STAB2: variants seen among roughly 807,000 people sequenced by gnomAD.
The protein encoded by STAB2 is stabilin 2.
A neutral mutation model predicts 338.1 loss-of-function variants in STAB2; 288 were observed. That is an observed-to-expected ratio of 0.85 (90% confidence interval 0.77 to 0.94). The LOEUF is 0.94. STAB2 is among the 40% of genes least tolerant of loss of function. The pLI, the probability that STAB2 is intolerant of heterozygous loss-of-function variation, is 0.00. For synonymous variants in STAB2, 1,202 were observed against 1,193.3 expected, an observed-to-expected ratio of 1.01 and a Z score of -0.15; for missense variants, 3,141 against 3,210.1, an observed-to-expected ratio of 0.98 and a Z score of 0.52.
intron 46 of STAB2, among the ~76,000 whole-genome samples, chr12:103,726,572 C>T (rs374218469): frequency 4.9e-4 from 75 of 152,244 alleles, no homozygotes; most frequent in African/African-American, 1.7e-3. Context: ...AGAAGAAAGT[C>T]TGGGACCCTG....
chr12:103,633,077 G>A (rs1957489418), intron 6 of STAB2, among the ~76,000 whole-genome samples: 1 of 152,192 alleles, frequency 6.6e-6, no homozygotes, highest in Non-Finnish European at 1.5e-5. Context: ...AAAGCCTCCA[G>A]TCCAAATGCA....
At chr12:103,651,311 T>C (rs1873722445) in intron 11 of STAB2, among the ~76,000 whole-genome samples, 1 of 114,844 alleles carries the variant, frequency 8.7e-6, no homozygotes. Flanking sequence ...TTTCCTGATC[T>C]TGATTTTTTT....
intron 40 of STAB2, among the ~76,000 whole-genome samples, chr12:103,711,760 C>A (rs191774918): frequency 6.6e-6 from 1 of 152,340 alleles, no homozygotes; most frequent in East Asian, 1.9e-4. Context: ...ACTGTTACCC[C>A]AGTCCAAGCT....
chr12:103,714,764 G>T (rs182933786), intron 42 of STAB2, among the ~76,000 whole-genome samples: 1 of 151,854 alleles, frequency 6.6e-6, no homozygotes, highest in East Asian at 1.9e-4. Flanking sequence ...CCATTTGAGA[G>T]TAATCTGTGT....
intron 17 of STAB2, 93 bp from the exon 18 acceptor site, chr12:103,662,753 G>A (rs771469093): frequency 1.4e-6 from 2 of 1,480,848 alleles, no homozygotes; most frequent in Admixed American, 2.0e-5. Flanking sequence ...GGACTTTTTA[G>A]CAAAGTTGCC....
chr12:103,747,995 CAAAAAA>C (rs57369480), intron 58 of STAB2, among the ~76,000 whole-genome samples: 23 of 96,762 alleles, frequency 2.4e-4, no homozygotes, highest in African/African-American at 8.4e-4. Context: ...ACTCTGTCTC[CAAAAAA>C]AAAAAAAAAA....
chr12:103,754,927 CAG>C (rs1384841583), intron 61 of STAB2, among the ~76,000 whole-genome samples: 1 of 144,802 alleles, frequency 6.9e-6, no homozygotes, highest in Non-Finnish European at 1.5e-5. Context: ...GCCTGGGTGA[CAG>C]AGCAAGACTC....
At chr12:103,732,803 T>C (rs1401040334) in intron 50 of STAB2, among the ~76,000 whole-genome samples, 1 of 152,054 alleles carries the variant, frequency 6.6e-6, no homozygotes, top group Non-Finnish European at 1.5e-5. Flanking sequence ...AGACCCTGTC[T>C]CAAAAATAAG....
intron 20 of STAB2, 154 bp downstream of exon 20, chr12:103,668,883 G>A (rs1875438403): frequency 2.2e-5 from 14 of 637,028 alleles, no homozygotes; most frequent in Middle Eastern, 4.3e-4. Context: ...TTCATATGGT[G>A]GCCAGACTCT....
chr12:103,737,571 T>C, intron 52 of STAB2, 63 bp from the exon 53 acceptor site: 1 of 1,490,582 alleles, frequency 6.7e-7, no homozygotes, highest in Non-Finnish European at 8.9e-7. Context: ...AGAGATTGAC[T>C]GTTTCTCTCT....
At chr12:103,661,703 CT>C (rs1874635309) in intron 17 of STAB2, among the ~76,000 whole-genome samples, 1 of 152,106 alleles carries the variant, frequency 6.6e-6, no homozygotes, top group Non-Finnish European at 1.5e-5. Flanking sequence ...AAACCTGAAC[CT>C]GAAGGAATTA....
At chr12:103,706,056 A>G (rs536748581) in intron 37 of STAB2, among the ~76,000 whole-genome samples, 1 of 152,320 alleles carries the variant, frequency 6.6e-6, no homozygotes, top group African/African-American at 2.4e-5. Flanking sequence ...GTGTCCACTC[A>G]CATTGTGAAG....
At chr12:103,766,162 C>G (rs1237120954) in intron 68 of STAB2, 124 bp from the exon 69 acceptor site, 1 of 1,315,166 alleles carries the variant, frequency 7.6e-7, no homozygotes, top group African/African-American at 1.5e-5. Context: ...AACAAACACG[C>G]CCAGCACATA....
At chr12:103,746,485 G>C in intron 57 of STAB2, 112 bp from the exon 58 acceptor site, 1 of 914,382 alleles carries the variant, frequency 1.1e-6, no homozygotes, top group East Asian at 2.5e-5. Context: ...TGCTGTACAG[G>C]GGCACTTATG....
Position 103,763,567 on chromosome 12 carries a change from A to C in STAB2, c.7564A>C (p.Thr2522Pro), listed in dbSNP as rs775480069. ...ENISNPLYES[T>P]TSAPPEPSYD... Reference sequence around the variant, plus strand: ...TATCTCGAACCCCTTGTATGAGAGCACAACCTCAGCTCCCCCAGAACCTTC... The same window carrying C: ...TATCTCGAACCCCTTGTATGAGAGCCCAACCTCAGCTCCCCCAGAACCTTC... The change falls in exon 68 of 69, where the codon ACA (threonine) becomes CCA (proline). Residue 2522 changes from threonine to proline, a missense_variant. Physicochemically the swap from Thr to Pro is conservative, Grantham distance 38. Transcript: ENST00000388887. The C allele has an allele frequency of 6.2e-7, 1 of 1,614,122 alleles. No individual in the cohort carries two copies. Among genetic ancestry groups the C allele is most frequent in the Non-Finnish European group, 8.5e-7 (1 of 1,180,010 alleles).
rs1360553485 is a variant in STAB2 at position 103,669,531 on chromosome 12, T to C, written c.2173-10T>C. 1 of 1,613,780 alleles carries C rather than the reference T, an allele frequency of 6.2e-7. No individual in the cohort carries two copies. The highest frequency in any genetic ancestry group is 1.1e-5 in the South Asian group (1 of 91,068). On this transcript the variant is annotated splice_polypyrimidine_tract_variant and intron_variant, in intron 20 of 68. Transcript: ENST00000388887. ...GGGGTTCAAAGGGGAACACGCATTTTGTTTTTCAGATTCCAAAGTGCTGCA... is the reference window on the plus strand; with the variant it reads ...GGGGTTCAAAGGGGAACACGCATTTCGTTTTTCAGATTCCAAAGTGCTGCA...
intron 3 of STAB2, among the ~76,000 whole-genome samples, chr12:103,615,142 G>A (rs1957189403): frequency 1.3e-5 from 2 of 152,346 alleles, no homozygotes; most frequent in African/African-American, 2.4e-5. Flanking sequence ...AGAGCAGTGA[G>A]GGTAGGGATG....
intron 34 of STAB2, among the ~76,000 whole-genome samples, chr12:103,700,516 A>G (rs1255533598): frequency 6.6e-6 from 1 of 152,238 alleles, no homozygotes; most frequent in African/African-American, 2.4e-5. Flanking sequence ...CTAACTTCAA[A>G]TATTTTTCTC....
intron 68 of STAB2, chr12:103,763,829 CAG>C (rs1163955065): frequency 3.3e-5 from 15 of 458,974 alleles, no homozygotes; most frequent in Middle Eastern, 5.6e-4. Context: ...CTTGAACAAA[CAG>C]AGACAGGCGA....
Sources: allele counts gnomAD v4.1 joint callset (sites outside exome capture counted in the v4.1 genomes callset), GRCh38; gene constraint gnomAD v4.1.1; transcripts MANE v1.5; gene names NCBI Gene and HGNC (gene_info 2026-07-23, HGNC 2026-07-21).